SYT14: variants seen among roughly 807,000 people sequenced by gnomAD.
SYT14 encodes the protein synaptotagmin 14, also known as synaptotagmin-14.
SYT14 carries 32 observed loss-of-function variants against 74.2 expected under a neutral mutation model. The observed-to-expected ratio is 0.43, with a 90% CI of 0.33 to 0.58. The LOEUF is 0.58. Ranked by LOEUF, SYT14 falls within the 20% of genes least tolerant of loss-of-function variation. The probability of loss-of-function intolerance (pLI) is 0.05; values close to 1 mark genes in which losing one functional copy is unlikely to be tolerated. For synonymous variants in SYT14, 298 were observed against 337.7 expected (o/e 0.88, Z 1.29); for missense variants, 791 against 981.8 (o/e 0.81, Z 2.60).
Position 210,005,288 on chromosome 1 carries a change from C to G in SYT14, c.-485-8345C>G, listed in dbSNP as rs532270128. ...AATTTGAGAGGAAGATGGTGTCTCT[C>G]TGAGAGATTTGAATGAAACTGCTTG... is the stretch of plus-strand genomic sequence containing the variant. On this transcript the variant is annotated intron_variant, in intron 2 of 9. Coordinates refer to ENST00000637265, the Ensembl canonical transcript of SYT14. 3.3e-5 allele frequency among the ~76,000 whole-genome samples: 5 copies of G among 152,044 alleles called. No homozygotes were observed. The South Asian group carries it at 1.0e-3, about 32-fold the overall frequency.
At chr1:210,104,919 T>G (rs1203652069) in intron 7 of SYT14, among the ~76,000 whole-genome samples, 1 of 152,196 alleles carries the variant, frequency 6.6e-6, no homozygotes, top group East Asian at 1.9e-4. Context: ...TTTGGTGAGT[T>G]GCCTTTTAGG....
chr1:210,018,059 C>G (rs2080222866), intron 4 of SYT14, among the ~76,000 whole-genome samples: 1 of 152,156 alleles, frequency 6.6e-6, no homozygotes, highest in South Asian at 2.1e-4. Flanking sequence ...GAGGCTAATC[C>G]AGGATGGATG....
At chr1:210,078,786 G>A (rs554879883) in intron 5 of SYT14, among the ~76,000 whole-genome samples, 13 of 149,884 alleles carry the variant, frequency 8.7e-5, no homozygotes, top group African/African-American at 2.2e-4. Context: ...TTACCCTGTC[G>A]CCCAGGCTGG....
rs762985338 is a variant in SYT14, at chr1:210,015,369, T to C, written c.-320-315T>C. 6.6e-5 allele frequency among the ~76,000 whole-genome samples: 10 copies of C among 152,194 alleles called. 1 individual carries two copies. The highest frequency in any genetic ancestry group is 2.9e-5 in the Non-Finnish European group (2 of 68,018). ...AATGTCTCAGGGAACTTAATTTTTC[T>C]GAGCCTTGTTTTTCTTTCACTTATT... is the stretch of plus-strand genomic sequence containing the variant. On this transcript the variant is annotated intron_variant, in intron 3 of 9. Coordinates refer to ENST00000637265, the Ensembl canonical transcript of SYT14.
At chr1:210,155,983 T>G (rs1295654674) in intron 8 of SYT14, 73 bp downstream of exon 7, 3 of 1,320,256 alleles carry the variant, frequency 2.3e-6, no homozygotes, top group Non-Finnish European at 3.2e-6. Context: ...GGGAGTTCAA[T>G]CCTATCATTT....
At chr1:210,104,102 T>G (rs2082118264) in intron 7 of SYT14, among the ~76,000 whole-genome samples, 2 of 152,192 alleles carry the variant, frequency 1.3e-5, no homozygotes, top group African/African-American at 2.4e-5. Context: ...TTCCATGAAG[T>G]TGATGGTGGA....
At chr1:210,038,475 G>A (rs1340412330) in intron 5 of SYT14, among the ~76,000 whole-genome samples, 3 of 151,960 alleles carry the variant, frequency 2.0e-5, no homozygotes, top group Admixed American at 6.6e-5. Flanking sequence ...CTGTTACCTA[G>A]TTACTTTGCA....
chr1:210,009,721 A>G (rs1273861081), intron 2 of SYT14, among the ~76,000 whole-genome samples: 1 of 152,158 alleles, frequency 6.6e-6, no homozygotes, highest in Non-Finnish European at 1.5e-5. Flanking sequence ...TCATACTCAT[A>G]TTTCCCTCTG....
chr1:210,091,052 G>A (rs1213326836), intron 5 of SYT14, among the ~76,000 whole-genome samples: 3 of 152,126 alleles, frequency 2.0e-5, no homozygotes, highest in Non-Finnish European at 4.4e-5. Flanking sequence ...CTTTAATGTT[G>A]TTTCTCTCAA....
intron 7 of SYT14, among the ~76,000 whole-genome samples, chr1:210,143,535 G>A (rs952371832): frequency 1.3e-5 from 2 of 151,756 alleles, no homozygotes; most frequent in South Asian, 2.1e-4. Flanking sequence ...ATTATTTAGC[G>A]CTATATTCAA....
chr1:210,120,433 C>T (rs896512772), intron 7 of SYT14, among the ~76,000 whole-genome samples: 1 of 148,836 alleles, frequency 6.7e-6, no homozygotes, highest in Admixed American at 6.8e-5. Flanking sequence ...AATCAAGATT[C>T]ACTGCAACCT....
intron 2 of SYT14, among the ~76,000 whole-genome samples, chr1:209,988,584 G>C (rs1404395787): frequency 6.6e-6 from 1 of 152,156 alleles, no homozygotes; most frequent in Non-Finnish European, 1.5e-5. Flanking sequence ...AATTACCTGA[G>C]ACTTTCCTTT....
intron 2 of SYT14, among the ~76,000 whole-genome samples, chr1:209,992,316 T>C (rs539893873): frequency 1.8e-3 from 276 of 152,184 alleles, no homozygotes; most frequent in African/African-American, 6.2e-3. Context: ...GGCTAAAAAA[T>C]GTGGTTTATA....
chr1:210,146,199 G>T (rs539718427), intron 7 of SYT14, among the ~76,000 whole-genome samples: 2 of 152,036 alleles, frequency 1.3e-5, no homozygotes, highest in African/African-American at 4.8e-5. Context: ...TTAACCGGGC[G>T]TGTTGGCTCA....
exon 10 of SYT14, chr1:210,169,695 AT>A (rs2083502120): frequency 6.6e-6 from 1 of 152,070 alleles, no homozygotes; most frequent in African/African-American, 2.4e-5. Flanking sequence ...TTTTACTAGA[AT>A]TTTGAAATAA....
In SYT14 at chr1:210,106,151, C is replaced by G. The variant is rs970660134; in HGVS notation, c.2034+5690C>G. ...GATTTGATTACCTGGGAAGCAGACT[C>G]TGAGAGGGAGTTTAGTGTGCCAAAT... On this transcript the variant is annotated intron_variant, in intron 7 of 9. Coordinates refer to ENST00000637265, the Ensembl canonical transcript of SYT14. 2.6e-5 allele frequency among the ~76,000 whole-genome samples: 4 copies of G among 152,294 alleles called. No individual in the cohort carries two copies. The South Asian group carries it at 8.3e-4, about 32-fold the overall frequency.
intron 2 of SYT14, among the ~76,000 whole-genome samples, chr1:209,998,761 G>C (rs2079842331): frequency 6.6e-6 from 1 of 151,926 alleles, no homozygotes; most frequent in Non-Finnish European, 1.5e-5. Context: ...AAATGAAACT[G>C]TACTCCTCTC....
chr1:210,059,898 G>A (rs2102408024), intron 5 of SYT14, among the ~76,000 whole-genome samples: 1 of 152,222 alleles, frequency 6.6e-6, no homozygotes, highest in Non-Finnish European at 1.5e-5. Context: ...ATATAAATCA[G>A]TGGATGCAAG....
chr1:209,967,325 T>C (rs1009977801), intron 2 of SYT14, among the ~76,000 whole-genome samples: 2 of 152,164 alleles, frequency 1.3e-5, no homozygotes, highest in Non-Finnish European at 2.9e-5. Flanking sequence ...CCTGAGAGAA[T>C]GAATTGGGAA....
Sources: gnomAD v4.1 joint callset for allele counts (sites outside exome capture counted in the v4.1 genomes callset) on GRCh38, gnomAD v4.1.1 for gene constraint, MANE v1.5 for transcripts, NCBI Gene and HGNC (gene_info 2026-07-23, HGNC 2026-07-21) for gene names.